Variants in SCML4 observed in about 807,000 individuals in gnomAD.
The protein encoded by SCML4 is sex comb on midleg-like protein 4.
Under a neutral mutation model 41.1 loss-of-function variants are expected in SCML4, and 34 were observed. The ratio of observed to expected loss-of-function variants is 0.83; its 90% CI spans 0.63 to 1.10. The LOEUF is 1.10. SCML4 is among the 50% of genes least tolerant of loss of function. The pLI is 0.00. For synonymous variants in SCML4, 214 were observed against 220.9 expected (o/e 0.97, Z 0.28); for missense variants, 522 against 534.1 (o/e 0.98, Z 0.22).
At chr6:107,727,595 A>G (rs955662209) in intron 5 of SCML4, among the ~76,000 whole-genome samples, 1 of 152,216 alleles carries the variant, frequency 6.6e-6, no homozygotes, top group African/African-American at 2.4e-5. Flanking sequence ...TATGCAGCCA[A>G]TGAAGTGCTG....
At chr6:107,793,918 G>A (rs965899397) in intron 1 of SCML4, among the ~76,000 whole-genome samples, 12 of 152,130 alleles carry the variant, frequency 7.9e-5, no homozygotes, top group African/African-American at 1.2e-4. Flanking sequence ...CAGCCTGGGC[G>A]ACAGAGTGTG....
rs1372906957 is a variant in SCML4 at position 107,757,567 on chromosome 6, T to TG, written c.157-7755dup. 2.0e-5 allele frequency among the ~76,000 whole-genome samples: 3 copies of TG among 152,300 alleles called. No homozygotes were observed. In the East Asian group the frequency reaches 5.8e-4, roughly 29 times the overall value. On this transcript the variant is annotated intron_variant, in intron 2 of 7. Coordinates refer to ENST00000369020, the MANE Select transcript of SCML4 (RefSeq NM_198081.5). The stretch of plus-strand genomic sequence containing the variant: ...TGCAAAGGAATACCAGCTTTGGATC[T>TG]GGATTGAATGTCCAGCGTGGCCACT...
In SCML4 at chr6:107,705,274, A is replaced by G. The variant is rs1433013404; in HGVS notation, c.1171T>C (p.Tyr391His). 6.4e-7 allele frequency: 1 copy of G among 1,551,530 alleles called. No homozygotes were observed. Among genetic ancestry groups the G allele is most frequent in the East Asian group, 2.4e-5 (1 of 40,926 alleles). Reference sequence around the variant, plus strand: ...GCAGGTCCCAGCTTCAGGCCCAGGTACTTCATGACCATGTCACTCTTCAGC... The same window carrying G: ...GCAGGTCCCAGCTTCAGGCCCAGGTGCTTCATGACCATGTCACTCTTCAGC... ...LLLKSDMVMK[Y>H]LGLKLGPALK... The change falls in exon 8 of 8, where the codon TAC (tyrosine) becomes CAC (histidine). Residue 391 changes from tyrosine (Y) to histidine (H), a missense_variant. Physicochemically the swap from Tyr to His is moderately conservative, Grantham distance 83 (BLOSUM62 2). Coordinates refer to ENST00000369020, the MANE Select transcript of SCML4 (RefSeq NM_198081.5).
chr6:107,825,086 C>T (rs1785201749), upstream of SCML4, among the ~76,000 whole-genome samples: 2 of 152,368 alleles, frequency 1.3e-5, 1 homozygote, highest in South Asian at 4.1e-4. Context: ...TATTCATTCC[C>T]ATGCCCCATT....
intron 2 of SCML4, among the ~76,000 whole-genome samples, chr6:107,763,725 A>C (rs78141675): frequency 0.022 from 3,284 of 152,298 alleles, 122 homozygotes; most frequent in African/African-American, 0.075. Context: ...GAGAGGCCAG[A>C]GCTTGCTCGC....
chr6:107,839,695 A>C, the SCML4 span, among the ~76,000 whole-genome samples: 1 of 152,172 alleles, frequency 6.6e-6, no homozygotes, highest in Non-Finnish European at 1.5e-5. Context: ...AGAAAAAGAG[A>C]AAACCATTGG....
At chr6:107,743,932 G>A (rs1442468442) in intron 5 of SCML4, 10 of 152,232 alleles carry the variant, frequency 6.6e-5, no homozygotes, top group Non-Finnish European at 8.8e-5. Flanking sequence ...ACCTGTCTGC[G>A]AGCACATACC....
intron 5 of SCML4, among the ~76,000 whole-genome samples, chr6:107,735,950 TC>T (rs1404059099): frequency 6.6e-6 from 1 of 152,138 alleles, no homozygotes; most frequent in East Asian, 1.9e-4. Context: ...AATCAAGAAC[TC>T]CCCCTTTATT....
At chr6:107,708,814 A>G (rs1044204727) in intron 6 of SCML4, among the ~76,000 whole-genome samples, 1 of 152,208 alleles carries the variant, frequency 6.6e-6, no homozygotes, top group Non-Finnish European at 1.5e-5. Context: ...AGGACAGTGA[A>G]GGAGGAAGAC....
chr6:107,713,505 C>T (rs1424960538), intron 6 of SCML4, among the ~76,000 whole-genome samples: 1 of 152,240 alleles, frequency 6.6e-6, no homozygotes, highest in Non-Finnish European at 1.5e-5. Flanking sequence ...AGTGCAGCCA[C>T]AGCCAGGCTT....
chr6:107,732,929 C>T (rs1171823327), intron 5 of SCML4, among the ~76,000 whole-genome samples: 2 of 152,238 alleles, frequency 1.3e-5, no homozygotes, highest in African/African-American at 4.8e-5. Flanking sequence ...GACATCTCGA[C>T]TTTGAGAGAG....
chr6:107,824,816 C>A (rs1247606069), upstream of SCML4, among the ~76,000 whole-genome samples: 5 of 152,072 alleles, frequency 3.3e-5, no homozygotes, highest in Non-Finnish European at 4.4e-5. Flanking sequence ...TGACTTTGGA[C>A]AAATAAAACA....
intron 1 of SCML4, among the ~76,000 whole-genome samples, chr6:107,807,812 C>T (rs1046018207): frequency 6.6e-6 from 1 of 152,208 alleles, no homozygotes; most frequent in Non-Finnish European, 1.5e-5. Context: ...TGTTCTTGTA[C>T]GGAAAGGGGG....
At chr6:107,784,467 G>A (rs1781730645) in intron 1 of SCML4, among the ~76,000 whole-genome samples, 1 of 152,174 alleles carries the variant, frequency 6.6e-6, no homozygotes, top group Non-Finnish European at 1.5e-5. Context: ...ATGCATGTAA[G>A]CATTTCACAT....
At chr6:107,778,232 T>A (rs1157663181) in intron 1 of SCML4, among the ~76,000 whole-genome samples, 873 of 6,790 alleles carry the variant, frequency 0.13, 7 homozygotes, top group Non-Finnish European at 0.2. Context: ...AATATATATA[T>A]ATATATATAT....
chr6:107,710,094 TG>T (rs1299527447), intron 6 of SCML4, among the ~76,000 whole-genome samples: 1 of 152,258 alleles, frequency 6.6e-6, no homozygotes, highest in Non-Finnish European at 1.5e-5. Flanking sequence ...CAATTATTTA[TG>T]AACTTCTCTA....
intron 1 of SCML4, among the ~76,000 whole-genome samples, chr6:107,795,008 C>A (rs1782604800): frequency 6.6e-6 from 1 of 152,128 alleles, no homozygotes; most frequent in African/African-American, 2.4e-5. Context: ...TACAGCCCAC[C>A]TTAATTTATG....
chr6:107,836,794 G>A, the SCML4 span, among the ~76,000 whole-genome samples: 1 of 151,994 alleles, frequency 6.6e-6, no homozygotes, highest in Non-Finnish European at 1.5e-5. Flanking sequence ...ATATTCCAGG[G>A]CTCACTTAGA....
intron 2 of SCML4, among the ~76,000 whole-genome samples, chr6:107,751,745 C>T (rs1049136127): frequency 1.3e-5 from 2 of 151,900 alleles, no homozygotes; most frequent in African/African-American, 4.8e-5. Flanking sequence ...AAATGATTCT[C>T]CTGCCTCAGC....
Sources: gnomAD v4.1 joint callset for allele counts (sites outside exome capture counted in the v4.1 genomes callset) on GRCh38, gnomAD v4.1.1 for gene constraint, MANE v1.5 for transcripts, NCBI Gene and HGNC (gene_info 2026-07-23, HGNC 2026-07-21) for gene names.